The following ZBTB20 variants were observed in gnomAD, a reference collection of about 807,000 sequenced individuals.
The protein encoded by ZBTB20 is zinc finger and BTB domain containing 20, also known as zinc finger and BTB domain-containing protein 20.
In ZBTB20, 9 loss-of-function variants were observed where a neutral mutation model predicts 56.9. The observed-to-expected ratio is 0.16, with a 90% CI of 0.10 to 0.28. The LOEUF (loss-of-function observed/expected upper bound fraction) is 0.28. Among genes scored for constraint, ZBTB20 ranks in the 10% least tolerant of loss-of-function variants. The pLI is 1.00. For synonymous variants in ZBTB20, 417 were observed against 420.7 expected (o/e 0.99, Z 0.11); for missense variants, 655 against 1,003.0 (o/e 0.65, Z 4.69).
chr3:114,475,403 T>C (rs1483173944), intron 7 of ZBTB20, among the ~76,000 whole-genome samples: 1 of 152,184 alleles, frequency 6.6e-6, no homozygotes, highest in African/African-American at 2.4e-5. Context: ...GTTGCTAGAT[T>C]AAAACTTCTA....
chr3:114,631,073 C>A (rs1339521914), intron 6 of ZBTB20, among the ~76,000 whole-genome samples: 3 of 152,048 alleles, frequency 2.0e-5, no homozygotes, highest in African/African-American at 7.2e-5. Context: ...ATGTACATAA[C>A]CTTTTCCCCC....
At chr3:114,628,475 G>A (rs1318641385) in intron 6 of ZBTB20, among the ~76,000 whole-genome samples, 9 of 152,014 alleles carry the variant, frequency 5.9e-5, no homozygotes, top group Admixed American at 2.6e-4. Context: ...AAGCTAAAAT[G>A]CTACCAACTT....
At chr3:115,050,129 A>C (rs559738961) in intron 2 of ZBTB20, among the ~76,000 whole-genome samples, 1 of 152,190 alleles carries the variant, frequency 6.6e-6, no homozygotes, top group East Asian at 1.9e-4. Context: ...AGATGAATTT[A>C]AAACATGTTA....
At chr3:114,340,828 G>C (rs1269976140) in intron 11 of ZBTB20, among the ~76,000 whole-genome samples, 1 of 152,150 alleles carries the variant, frequency 6.6e-6, no homozygotes, top group African/African-American at 2.4e-5. Context: ...AAGGTAAGAA[G>C]TCTTTTAAAA....
At chr3:114,758,130 T>C (rs1229368907) in intron 5 of ZBTB20, among the ~76,000 whole-genome samples, 2 of 152,284 alleles carry the variant, frequency 1.3e-5, no homozygotes, top group East Asian at 3.9e-4. Context: ...ATGCAATTCA[T>C]CTGCAATGGA....
At chr3:114,677,578 C>G (rs148988872) in intron 6 of ZBTB20, among the ~76,000 whole-genome samples, 1 of 152,128 alleles carries the variant, frequency 6.6e-6, no homozygotes, top group Non-Finnish European at 1.5e-5. Context: ...CACCTCCAGT[C>G]CATGGAAACA....
chr3:114,375,994 TTCTG>T (rs1253730571), intron 10 of ZBTB20, among the ~76,000 whole-genome samples: 10 of 152,232 alleles, frequency 6.6e-5, no homozygotes, highest in Non-Finnish European at 1.3e-4. Context: ...TTATGCTTCT[TTCTG>T]TCTGTGTACA....
At chr3:115,033,123 A>G (rs1018832061) in intron 2 of ZBTB20, among the ~76,000 whole-genome samples, 1 of 151,342 alleles carries the variant, frequency 6.6e-6, no homozygotes, top group Non-Finnish European at 1.5e-5. Context: ...TTGGATATAT[A>G]TACTAAGAAA....
At chr3:114,530,370 A>C (rs2047704938) in intron 6 of ZBTB20, among the ~76,000 whole-genome samples, 2 of 152,218 alleles carry the variant, frequency 1.3e-5, no homozygotes, top group African/African-American at 4.8e-5. Flanking sequence ...TATCCAGTAC[A>C]GTAACATGCT....
chr3:114,450,177 A>G (rs2091516573), intron 7 of ZBTB20, among the ~76,000 whole-genome samples: 1 of 152,200 alleles, frequency 6.6e-6, no homozygotes, highest in Non-Finnish European at 1.5e-5. Flanking sequence ...CATACAAATC[A>G]ACAGCCTTAC....
At chr3:114,534,369 A>G (rs1279834118) in intron 6 of ZBTB20, among the ~76,000 whole-genome samples, 1 of 152,242 alleles carries the variant, frequency 6.6e-6, no homozygotes, top group African/African-American at 2.4e-5. Flanking sequence ...TTTTAAACCA[A>G]TAAAGATCAA....
chr3:114,783,848 G>GA (rs2070297326), intron 5 of ZBTB20, among the ~76,000 whole-genome samples: 1 of 150,908 alleles, frequency 6.6e-6, no homozygotes, highest in Non-Finnish European at 1.5e-5. Flanking sequence ...GTATGAAACT[G>GA]AAAAAAATAT....
At chr3:114,390,234 A>G (rs2085706921) in intron 7 of ZBTB20, among the ~76,000 whole-genome samples, 1 of 152,152 alleles carries the variant, frequency 6.6e-6, no homozygotes, top group African/African-American at 2.4e-5. Context: ...TATATCATGG[A>G]TGACCTCTAG....
At chr3:115,019,622 T>C (rs915411146) in intron 2 of ZBTB20, among the ~76,000 whole-genome samples, 8 of 151,272 alleles carry the variant, frequency 5.3e-5, no homozygotes, top group African/African-American at 1.5e-4. Context: ...TTGTTTCATA[T>C]AAAAGTTATA....
At chr3:115,045,168 C>T (rs1404262636) in intron 2 of ZBTB20, among the ~76,000 whole-genome samples, 1 of 152,104 alleles carries the variant, frequency 6.6e-6, no homozygotes, top group Non-Finnish European at 1.5e-5. Context: ...CATACAATTT[C>T]CTATAATAAC....
chr3:114,735,115 T>C (rs1488606838), intron 5 of ZBTB20, among the ~76,000 whole-genome samples: 2 of 151,958 alleles, frequency 1.3e-5, no homozygotes, highest in Admixed American at 6.6e-5. Flanking sequence ...TTTGAGCCAA[T>C]ACAATAATCC....
intron 7 of ZBTB20, among the ~76,000 whole-genome samples, chr3:114,435,235 T>TA (rs199798110): frequency 6.6e-4 from 96 of 146,558 alleles, no homozygotes; most frequent in East Asian, 7.9e-4. Flanking sequence ...ATTAACTCTT[T>TA]AAAAAAAAAA....
At chr3:114,624,311 C>A in intron 6 of ZBTB20, 1 of 149,712 alleles carries the variant, frequency 6.7e-6, no homozygotes. Flanking sequence ...ATCTAACTTC[C>A]ACTAACTGGG....
intron 3 of ZBTB20, among the ~76,000 whole-genome samples, chr3:114,958,502 T>C (rs2077326588): frequency 6.6e-6 from 1 of 152,142 alleles, no homozygotes; most frequent in Admixed American, 6.6e-5. Context: ...CAGAATACAG[T>C]CTTTTTCTTA....
Sources: gnomAD v4.1 joint callset for allele counts (sites outside exome capture counted in the v4.1 genomes callset) on GRCh38, gnomAD v4.1.1 for gene constraint, MANE v1.5 for transcripts, NCBI Gene and HGNC (gene_info 2026-07-23, HGNC 2026-07-21) for gene names.